Variants in KCNH7 observed in about 807,000 individuals in gnomAD.
KCNH7 encodes voltage-gated inwardly rectifying potassium channel KCNH7.
Under a neutral mutation model 120.8 loss-of-function variants are expected in KCNH7, and 49 were observed. The ratio of observed to expected loss-of-function variants is 0.41; its 90% confidence interval spans 0.32 to 0.51. KCNH7 has a LOEUF of 0.51. Ranked by LOEUF, KCNH7 falls within the 20% of genes least tolerant of loss-of-function variation. The pLI is 0.38. For missense variants in KCNH7, 1,097 were observed against 1,446.6 expected (o/e 0.76, Z 3.92); for synonymous variants, 547 against 516.1 (o/e 1.06, Z -0.81).
chr2:162,667,702 A>G (rs1685191481), intron 2 of KCNH7, among the ~76,000 whole-genome samples: 1 of 152,164 alleles, frequency 6.6e-6, no homozygotes, highest in Non-Finnish European at 1.5e-5. Context: ...TCCAATTCCT[A>G]GATAAATCAG....
chr2:162,470,305 G>A (rs1234033263), intron 6 of KCNH7, among the ~76,000 whole-genome samples: 3 of 150,014 alleles, frequency 2.0e-5, no homozygotes, highest in Admixed American at 6.6e-5. Context: ...TGTGGGGAGC[G>A]CCTCTGCCCT....
intron 2 of KCNH7, among the ~76,000 whole-genome samples, chr2:162,782,400 G>T (rs1252964710): frequency 1.3e-5 from 2 of 152,194 alleles, no homozygotes; most frequent in Non-Finnish European, 2.9e-5. Context: ...ACCAGAAAAA[G>T]GTGATGGAAT....
chr2:162,771,088 T>G (rs1439870989), intron 2 of KCNH7, among the ~76,000 whole-genome samples: 1 of 152,156 alleles, frequency 6.6e-6, no homozygotes, highest in Non-Finnish European at 1.5e-5. Context: ...TAATCATGAA[T>G]TCTTGCTTAG....
At chr2:162,784,451 C>A (rs1276022866) in intron 2 of KCNH7, 1 of 152,026 alleles carries the variant, frequency 6.6e-6, no homozygotes, top group Non-Finnish European at 1.5e-5. Flanking sequence ...AATATTGACC[C>A]CAATATTTTA....
chr2:162,824,254 A>G (rs1685210277), intron 2 of KCNH7, among the ~76,000 whole-genome samples: 1 of 152,144 alleles, frequency 6.6e-6, no homozygotes, highest in Admixed American at 6.6e-5. Flanking sequence ...TAAAATAAAG[A>G]ATGTTGGTGG....
At chr2:162,502,888 G>C (rs1192646311) in intron 6 of KCNH7, among the ~76,000 whole-genome samples, 1 of 151,992 alleles carries the variant, frequency 6.6e-6, no homozygotes, top group African/African-American at 2.4e-5. Context: ...GCTGCACACA[G>C]GCCTTAAGAT....
chr2:162,513,492 TCC>T (rs1691183215), intron 4 of KCNH7, among the ~76,000 whole-genome samples: 1 of 143,526 alleles, frequency 7.0e-6, no homozygotes, highest in East Asian at 2.2e-4. Flanking sequence ...CTTCCTTCCT[TCC>T]TTCCTTCCTT....
At chr2:162,798,719 T>C (rs765882768) in intron 2 of KCNH7, among the ~76,000 whole-genome samples, 8 of 152,052 alleles carry the variant, frequency 5.3e-5, no homozygotes, top group Admixed American at 3.3e-4. Context: ...GCCTTAAAAC[T>C]GTATCTTAAA....
In KCNH7 at chr2:162,530,954, C is replaced by T. The variant is rs148843740; in HGVS notation, c.463+5971G>A. On this transcript the variant is annotated intron_variant, in intron 3 of 15. Transcript: ENST00000332142. ...ACAATCCATTCCTCAAAAACTGACA[C>T]CAAGTAAGAGGAAATCTAGGTCATA... Among the ~76,000 whole-genome samples, 807 of 151,900 alleles carry T rather than the reference C, an allele frequency of 5.3e-3. 5 individuals are homozygous for T. Among genetic ancestry groups the T allele is most frequent in the African/African-American group, 0.017 (690 of 41,480 alleles).
At chr2:162,506,191 T>C (rs1453389157) in intron 5 of KCNH7, among the ~76,000 whole-genome samples, 16 of 152,052 alleles carry the variant, frequency 1.1e-4, no homozygotes, top group Admixed American at 9.2e-4. Context: ...TCATATGTTC[T>C]CATTTGCATA....
chr2:162,458,941 A>G (rs996613631), intron 6 of KCNH7, among the ~76,000 whole-genome samples: 8 of 151,486 alleles, frequency 5.3e-5, no homozygotes, highest in Non-Finnish European at 1.2e-4. Flanking sequence ...AAGGAGGTTG[A>G]GGCTGCAGTG....
At position 162,647,074 on chromosome 2, in the gene KCNH7, A is replaced by G. The variant is rs150145797; in HGVS notation, c.308-109994T>C. Among the ~76,000 whole-genome samples, 56 of 152,300 alleles carry G rather than the reference A, an allele frequency of 3.7e-4. No homozygotes were observed. The East Asian group carries it at 9.9e-3, about 27-fold the overall frequency. ...TACCAATAAATACAGAGGGGCTTCA[A>G]TGTGGACTTCCCAGGGCCATGAGGT... On this transcript the variant is annotated intron_variant, in intron 2 of 15. Coordinates refer to ENST00000332142, the MANE Select transcript of KCNH7 (RefSeq NM_033272.4).
chr2:162,579,724 C>A (rs921837137), intron 2 of KCNH7, among the ~76,000 whole-genome samples: 5 of 151,980 alleles, frequency 3.3e-5, no homozygotes, highest in African/African-American at 1.2e-4. Context: ...GTCTACATTT[C>A]TTATAATGGC....
intron 2 of KCNH7, among the ~76,000 whole-genome samples, chr2:162,670,964 G>GA (rs5835916): frequency 0.17 from 25,338 of 151,388 alleles, 2,461 homozygotes; most frequent in East Asian, 0.46. Context: ...AGAAACATAT[G>GA]AAAAAAAATG....
In KCNH7 at chr2:162,520,339, T is replaced by C. The variant is rs74616625; in HGVS notation, c.464-2181A>G. Among the ~76,000 whole-genome samples, 749 of 151,746 alleles carry C rather than the reference T, an allele frequency of 4.9e-3. 3 individuals carry two copies. The highest frequency in any genetic ancestry group is 0.02 in the Middle Eastern group (6 of 294). The stretch of plus-strand genomic sequence containing the variant: ...TGAATATCTGTTTTCATTTCTCTCA[T>C]CTTCACTGTTCCTACATATTTCCAC... On this transcript the variant is annotated intron_variant, in intron 3 of 15. Coordinates refer to ENST00000332142, the MANE Select transcript of KCNH7 (RefSeq NM_033272.4).
chr2:162,411,996 T>C (rs1687405482), intron 9 of KCNH7, among the ~76,000 whole-genome samples: 2 of 151,830 alleles, frequency 1.3e-5, no homozygotes, highest in African/African-American at 4.8e-5. Context: ...CAAAGTACTA[T>C]CAGAATGAGG....
chr2:162,636,867 T>C (rs1683979644), intron 2 of KCNH7, among the ~76,000 whole-genome samples: 1 of 152,112 alleles, frequency 6.6e-6, no homozygotes, highest in African/African-American at 2.4e-5. Context: ...GTAATAGATC[T>C]TGCTTTGTCA....
intron 3 of KCNH7, among the ~76,000 whole-genome samples, chr2:162,530,721 T>A (rs1334409205): frequency 6.6e-6 from 1 of 152,008 alleles, no homozygotes; most frequent in Non-Finnish European, 1.5e-5. Flanking sequence ...AATTTTTTAT[T>A]CTTTATTTTT....
intron 6 of KCNH7, among the ~76,000 whole-genome samples, chr2:162,489,843 A>G (rs756540683): frequency 4.6e-5 from 7 of 152,206 alleles, no homozygotes; most frequent in Non-Finnish European, 8.8e-5. Flanking sequence ...AAATAACAAC[A>G]AGATAATGGA....
Sources: allele counts gnomAD v4.1 joint callset (sites outside exome capture counted in the v4.1 genomes callset), GRCh38; gene constraint gnomAD v4.1.1; transcripts MANE v1.5; gene names NCBI Gene and HGNC (gene_info 2026-07-23, HGNC 2026-07-21).